Variants in CNOT6 observed in about 807,000 individuals in gnomAD.
The protein encoded by CNOT6 is CCR4-NOT transcription complex subunit 6.
CNOT6 carries 12 observed loss-of-function variants against 61.2 expected under a neutral mutation model. The ratio of observed to expected loss-of-function variants is 0.20; its 90% CI spans 0.13 to 0.32. CNOT6 has a LOEUF of 0.32. Among genes scored for constraint, CNOT6 ranks in the 10% least tolerant of loss-of-function variants. The probability of loss-of-function intolerance (pLI) is 1.00; values close to 1 mark genes in which losing one functional copy is unlikely to be tolerated. For synonymous variants in CNOT6, 225 were observed against 240.6 expected (o/e 0.94, Z 0.60); for missense variants, 405 against 663.9 (o/e 0.61, Z 4.28).
At position 180,565,845 on chromosome 5, in the gene CNOT6, T is replaced by C. The variant is rs372064704; in HGVS notation, c.585T>C (p.Asn195=). Residue 195 remains asparagine (N), a synonymous_variant, in exon 7 of 12, where the codon AAT becomes AAC. Coordinates refer to ENST00000261951, the MANE Select transcript of CNOT6 (RefSeq NM_001370472.1). ...PTALFSVMCY[N]VLCDKYATRQ... ...CCTTGTTTTCTGTCATGTGCTATAA[T>C]GTTCTTTGTGATAAATATGCGACCC... is the stretch of plus-strand genomic sequence containing the variant. 120 of 1,612,218 alleles carry C rather than the reference T, an allele frequency of 7.4e-5. No homozygotes were observed. The Admixed American group carries it at 1.0e-3, about 14-fold the overall frequency.
rs537126223 is a variant in CNOT6, at chr5:180,571,569, C to T, written c.1461+137C>T. The T allele has an allele frequency of 3.7e-5, 25 of 680,970 alleles. No homozygotes were observed. In the African/African-American group the frequency reaches 4.2e-4, roughly 11 times the overall value. The allele number at this position is 680,970 out of a possible 1,614,324, so 42.2% of individuals were successfully genotyped here. ...TCTTGAATTCATTGACAGCAATGTTCTTTGTTTTTTGTTTGAGACAAGGTC... is the reference window on the plus strand; with the variant it reads ...TCTTGAATTCATTGACAGCAATGTTTTTTGTTTTTTGTTTGAGACAAGGTC... On this transcript the variant is annotated intron_variant, in intron 11 of 11. Coordinates refer to ENST00000261951, the MANE Select transcript of CNOT6 (RefSeq NM_001370472.1).
chr5:180,524,587 A>C (rs1001292979), intron 1 of CNOT6, among the ~76,000 whole-genome samples: 1 of 152,186 alleles, frequency 6.6e-6, no homozygotes, highest in East Asian at 1.9e-4. Flanking sequence ...AAAACCAAGA[A>C]AGGGAATGGT....
chr5:180,544,186 CATT>C (rs1408271617), intron 2 of CNOT6, among the ~76,000 whole-genome samples: 1 of 152,190 alleles, frequency 6.6e-6, no homozygotes, highest in African/African-American at 2.4e-5. Context: ...TCTTTTCTCT[CATT>C]ATAAAACTCA....
chr5:180,497,459 T>C (rs927928218), intron 1 of CNOT6, among the ~76,000 whole-genome samples: 3 of 152,196 alleles, frequency 2.0e-5, no homozygotes, highest in African/African-American at 4.8e-5. Flanking sequence ...GTAAGACATA[T>C]TGGAATAAAT....
chr5:180,548,480 T>C (rs1176641105), intron 2 of CNOT6, among the ~76,000 whole-genome samples: 1 of 152,260 alleles, frequency 6.6e-6, no homozygotes, highest in Non-Finnish European at 1.5e-5. Context: ...TCTGATGTTC[T>C]GCCTCTTGAT....
At chr5:180,535,711 G>A (rs1407680609) in intron 2 of CNOT6, among the ~76,000 whole-genome samples, 1 of 152,192 alleles carries the variant, frequency 6.6e-6, no homozygotes, top group African/African-American at 2.4e-5. Context: ...TGTATTTGTA[G>A]TTCTGTGAGA....
intron 1 of CNOT6, among the ~76,000 whole-genome samples, chr5:180,500,086 C>A (rs1280091059): frequency 6.9e-6 from 1 of 144,152 alleles, no homozygotes; most frequent in Non-Finnish European, 1.5e-5. Flanking sequence ...AACAAATTCA[C>A]CTTTTCTTTT....
chr5:180,528,009 C>T (rs939177316), intron 1 of CNOT6, among the ~76,000 whole-genome samples: 1 of 152,178 alleles, frequency 6.6e-6, no homozygotes, highest in Non-Finnish European at 1.5e-5. Context: ...CCACCCCACC[C>T]TCCCCAAATC....
chr5:180,555,409 G>A (rs1199977030), intron 4 of CNOT6, among the ~76,000 whole-genome samples: 1 of 152,106 alleles, frequency 6.6e-6, no homozygotes, highest in Non-Finnish European at 1.5e-5. Context: ...ATGATCCCTT[G>A]CTTTTCCATT....
chr5:180,520,787 G>A (rs1483524308), intron 1 of CNOT6, among the ~76,000 whole-genome samples: 1 of 151,702 alleles, frequency 6.6e-6, no homozygotes, highest in East Asian at 1.9e-4. Context: ...TAGCTTGTTT[G>A]TTTTTTCTTT....
chr5:180,508,768 G>C (rs994315097), intron 1 of CNOT6, among the ~76,000 whole-genome samples: 1 of 151,904 alleles, frequency 6.6e-6, no homozygotes, highest in Non-Finnish European at 1.5e-5. Context: ...GACTGCAGGT[G>C]TGTGCCAACA....
intron 6 of CNOT6, among the ~76,000 whole-genome samples, chr5:180,565,556 C>G (rs1026929337): frequency 4.6e-5 from 7 of 152,136 alleles, no homozygotes; most frequent in Non-Finnish European, 8.8e-5. Context: ...GAAGGGCTCA[C>G]GAGCTTAGAC....
intron 1 of CNOT6, among the ~76,000 whole-genome samples, chr5:180,504,258 A>G (rs1385649235): frequency 6.6e-6 from 1 of 152,206 alleles, no homozygotes; most frequent in Non-Finnish European, 1.5e-5. Flanking sequence ...CAGTGGCCTT[A>G]GAGTAAGATT....
intron 6 of CNOT6, among the ~76,000 whole-genome samples, chr5:180,565,251 A>ATG (rs1389015113): frequency 7.9e-5 from 12 of 152,250 alleles, no homozygotes; most frequent in African/African-American, 2.7e-4. Context: ...TGGATTTGAC[A>ATG]CTACCGAGTT....
Position 180,550,060 on chromosome 5 carries a change from T to C in CNOT6, c.242T>C (p.Leu81Pro). The change falls in exon 3 of 12, where the codon CTG becomes CCG. Residue 81 changes from leucine (L) to proline (P), a missense_variant. Coordinates refer to ENST00000261951, the MANE Select transcript of CNOT6 (RefSeq NM_001370472.1). ...CTTCACAATCTGGTGTATTTGGACCTGTCATCTAATAAAATTCGTAGCTTA... is the reference window on the plus strand; with the variant it reads ...CTTCACAATCTGGTGTATTTGGACCCGTCATCTAATAAAATTCGTAGCTTA... ...AKLHNLVYLD[L>P]SSNKIRSLPA... 1 of 1,614,126 alleles carries C rather than the reference T, an allele frequency of 6.2e-7. No homozygotes were observed. The highest frequency in any genetic ancestry group is 8.5e-7 in the Non-Finnish European group (1 of 1,179,960).
At chr5:180,555,109 C>A (rs1759817070) in intron 4 of CNOT6, among the ~76,000 whole-genome samples, 1 of 151,802 alleles carries the variant, frequency 6.6e-6, no homozygotes, top group Non-Finnish European at 1.5e-5. Context: ...CTGGTTGAAG[C>A]AATTCTTCTG....
chr5:180,546,850 G>A (rs1759341310), intron 2 of CNOT6, among the ~76,000 whole-genome samples: 1 of 152,144 alleles, frequency 6.6e-6, no homozygotes, highest in Non-Finnish European at 1.5e-5. Flanking sequence ...GGGATCAAAA[G>A]TGATTTGGAT....
intron 1 of CNOT6, among the ~76,000 whole-genome samples, chr5:180,499,834 A>G (rs995806291): frequency 1.3e-5 from 2 of 152,238 alleles, no homozygotes; most frequent in Non-Finnish European, 2.9e-5. Context: ...TAGAAGAATT[A>G]CTTATAATCA....
At chr5:180,573,635 A>G (rs1760875501) in intron 11 of CNOT6, among the ~76,000 whole-genome samples, 1 of 145,618 alleles carries the variant, frequency 6.9e-6, no homozygotes, top group African/African-American at 2.6e-5. Context: ...GCAGGAAAGA[A>G]CTTGGTACCT....
Sources: allele counts gnomAD v4.1 joint callset (sites outside exome capture counted in the v4.1 genomes callset), GRCh38; gene constraint gnomAD v4.1.1; transcripts MANE v1.5; gene names NCBI Gene and HGNC (gene_info 2026-07-23, HGNC 2026-07-21).